FAM151B: variants seen among roughly 807,000 people sequenced by gnomAD.
FAM151B encodes the protein protein FAM151B.
In FAM151B, 24 loss-of-function variants were observed where a neutral mutation model predicts 31.2. The observed-to-expected ratio is 0.77, with a 90% CI of 0.56 to 1.08. The LOEUF (loss-of-function observed/expected upper bound fraction) is 1.08. Ranked by LOEUF, FAM151B falls within the 50% of genes least tolerant of loss-of-function variation. The pLI is 0.00. For missense variants in FAM151B, 293 were observed against 328.6 expected (o/e 0.89, Z 0.84); for synonymous variants, 105 against 111.4 (o/e 0.94, Z 0.36).
rs3072031 is a variant in FAM151B, at chr5:80,495,830, CAAAAAAAAAAAAAAA to C, written c.26-5947_26-5933del. Among the ~76,000 whole-genome samples the C allele has an allele frequency of 9.3e-3, 821 of 88,238 alleles. 11 individuals carry two copies. The highest frequency in any genetic ancestry group is 0.037 in the African/African-American group (793 of 21,582). 57.9% of individuals were successfully genotyped at this position (88,238 alleles called of 152,430 possible). On this transcript the variant is annotated intron_variant, in intron 1 of 5. Coordinates refer to ENST00000282226, the MANE Select transcript of FAM151B (RefSeq NM_205548.3). ...TGGGCGAAAGAGCGAGACTCCGTCTCAAAAAAAAAAAAAAAAAAAAAAAAAAAAAGAACTAGTAAG... is the reference window on the plus strand; with the variant it reads ...TGGGCGAAAGAGCGAGACTCCGTCTCAAAAAAAAAAAAAAGAACTAGTAAG...
intron 1 of FAM151B, among the ~76,000 whole-genome samples, chr5:80,493,740 G>A (rs373284544): frequency 2.2e-4 from 34 of 152,248 alleles, no homozygotes; most frequent in East Asian, 9.7e-4. Flanking sequence ...TAGTCAGACC[G>A]GTTCTCTGCT....
At chr5:80,497,429 A>C (rs908383680) in intron 1 of FAM151B, among the ~76,000 whole-genome samples, 1 of 151,392 alleles carries the variant, frequency 6.6e-6, no homozygotes, top group Non-Finnish European at 1.5e-5. Flanking sequence ...AAAAAAAAAA[A>C]CAAAAACAAT....
chr5:80,510,272 A>C (rs1744132403), intron 2 of FAM151B, among the ~76,000 whole-genome samples: 5 of 151,978 alleles, frequency 3.3e-5, no homozygotes, highest in Admixed American at 2.0e-4. Context: ...AAATGACCTC[A>C]CTCATATGTC....
At chr5:80,519,660 A>G (rs1744610560) in intron 3 of FAM151B, 33 bp from the exon 4 acceptor site, 1 of 1,582,240 alleles carries the variant, frequency 6.3e-7, no homozygotes, top group African/African-American at 1.4e-5. Flanking sequence ...TACCTAAAGA[A>G]TCTATCTCAT....
intron 5 of FAM151B, among the ~76,000 whole-genome samples, chr5:80,528,183 G>T (rs890776462): frequency 2.0e-4 from 30 of 152,154 alleles, no homozygotes; most frequent in African/African-American, 7.2e-4. Context: ...CAAGCCTCAT[G>T]GTAGCCTCAA....
At chr5:80,520,698 A>ATATT (rs200687904) in intron 4 of FAM151B, among the ~76,000 whole-genome samples, 24 of 146,764 alleles carry the variant, frequency 1.6e-4, no homozygotes, top group African/African-American at 4.7e-4. Flanking sequence ...ATATATATAT[A>ATATT]TATTTATTTA....
intron 3 of FAM151B, among the ~76,000 whole-genome samples, chr5:80,515,012 G>A (rs1390560257): frequency 5.3e-5 from 8 of 152,194 alleles, no homozygotes; most frequent in African/African-American, 1.9e-4. Flanking sequence ...GGCCAAGGCG[G>A]GTGGATCACC....
chr5:80,504,875 C>T (rs980435765), intron 2 of FAM151B, among the ~76,000 whole-genome samples: 1 of 152,140 alleles, frequency 6.6e-6, no homozygotes, highest in African/African-American at 2.4e-5. Context: ...AACCCCCTTC[C>T]CCAACTTCAT....
intron 5 of FAM151B, among the ~76,000 whole-genome samples, chr5:80,527,254 C>T (rs1437146892): frequency 6.6e-6 from 1 of 151,970 alleles, no homozygotes; most frequent in Non-Finnish European, 1.5e-5. Flanking sequence ...GAAACCCCAT[C>T]TCTACTAAAA....
chr5:80,520,693 T>G (rs978127608), intron 4 of FAM151B, among the ~76,000 whole-genome samples: 1 of 143,882 alleles, frequency 7.0e-6, no homozygotes, highest in Non-Finnish European at 1.5e-5. Flanking sequence ...TGTGTATATA[T>G]ATATATATTT....
intron 1 of FAM151B, among the ~76,000 whole-genome samples, chr5:80,493,857 GC>G (rs1435598553): frequency 6.6e-6 from 1 of 152,034 alleles, no homozygotes; most frequent in Admixed American, 6.6e-5. Flanking sequence ...GATCTTAATT[GC>G]CCTTTGAAGC....
rs190694816 is a variant in FAM151B, at chr5:80,535,760, C to T, written c.672-5913C>T. Reference sequence around the variant, plus strand: ...AATGGGATCACATCAAGTCATAAAGCTTCTGTACAGCAAAGGAAATGGTCA... The same window carrying T: ...AATGGGATCACATCAAGTCATAAAGTTTCTGTACAGCAAAGGAAATGGTCA... On this transcript the variant is annotated intron_variant, in intron 5 of 5. Coordinates refer to ENST00000282226, the MANE Select transcript of FAM151B (RefSeq NM_205548.3). Among the ~76,000 whole-genome samples, 77 of 152,186 alleles carry T rather than the reference C, an allele frequency of 5.1e-4. 1 individual carries two copies. Among genetic ancestry groups the T allele is most frequent in the Non-Finnish European group, 8.5e-4 (58 of 67,988 alleles).
intron 1 of FAM151B, among the ~76,000 whole-genome samples, chr5:80,498,085 G>A (rs925877951): frequency 6.6e-6 from 1 of 152,156 alleles, no homozygotes; most frequent in Non-Finnish European, 1.5e-5. Flanking sequence ...AGCCACGTTA[G>A]TCACATATTC....
chr5:80,501,310 G>A (rs927319220), intron 1 of FAM151B: 18 of 918,522 alleles, frequency 2.0e-5, no homozygotes, highest in South Asian at 3.9e-5. Context: ...GTGAGCCACC[G>A]CGCCCGGCCG....
chr5:80,494,543 C>T (rs1380382416), intron 1 of FAM151B, among the ~76,000 whole-genome samples: 1 of 148,756 alleles, frequency 6.7e-6, no homozygotes, highest in Non-Finnish European at 1.5e-5. Context: ...GACAGGGTCT[C>T]CCTCTGTAAC....
chr5:80,514,480 AAT>A (rs1744331505), intron 3 of FAM151B, among the ~76,000 whole-genome samples: 3 of 27,348 alleles, frequency 1.1e-4, no homozygotes, highest in Non-Finnish European at 3.5e-4. Context: ...CCTCTCAAAT[AAT>A]AATAATAATA....
chr5:80,527,097 C>T (rs10474629), intron 5 of FAM151B, among the ~76,000 whole-genome samples: 16,011 of 152,136 alleles, frequency 0.11, 1,339 homozygotes, highest in African/African-American at 0.23. Flanking sequence ...AGTCATGTAT[C>T]GCTTTAAGAT....
chr5:80,538,763 A>AT (rs142999367), intron 5 of FAM151B, among the ~76,000 whole-genome samples: 6 of 150,072 alleles, frequency 4.0e-5, no homozygotes, highest in Admixed American at 6.7e-5. Context: ...TACCCAGCTA[A>AT]TTTTTTTTTA....
At chr5:80,534,745 A>G (rs2112671333) in intron 5 of FAM151B, among the ~76,000 whole-genome samples, 1 of 152,306 alleles carries the variant, frequency 6.6e-6, no homozygotes, top group Middle Eastern at 3.4e-3. Flanking sequence ...ATAGTACTAG[A>G]AGTCCTAGGG....
Sources: allele counts gnomAD v4.1 joint callset (sites outside exome capture counted in the v4.1 genomes callset), GRCh38; gene constraint gnomAD v4.1.1; transcripts MANE v1.5; gene names NCBI Gene and HGNC (gene_info 2026-07-23, HGNC 2026-07-21).